The following PLXNA4 variants were observed in gnomAD, a reference collection of about 807,000 sequenced individuals.
PLXNA4 encodes the protein plexin A4, also known as plexin-A4.
In PLXNA4, 44 loss-of-function variants were observed where a neutral mutation model predicts 191.8. That is an observed-to-expected ratio of 0.23 (90% CI 0.18 to 0.29). The LOEUF is 0.29. PLXNA4 is among the 10% of genes least tolerant of loss of function. PLXNA4 has a pLI of 1.00. For missense variants in PLXNA4, 1,800 were observed against 2,488.8 expected, an observed-to-expected ratio of 0.72 and a Z score of 5.89; for synonymous variants, 1,082 against 1,009.5, an observed-to-expected ratio of 1.07 and a Z score of -1.36.
chr7:132,352,588 G>A (rs1408040217), intron 3 of PLXNA4, among the ~76,000 whole-genome samples: 2 of 152,132 alleles, frequency 1.3e-5, no homozygotes, highest in Non-Finnish European at 2.9e-5. Context: ...AGGGGCACGT[G>A]GTAGAACCTG....
intron 3 of PLXNA4, among the ~76,000 whole-genome samples, chr7:132,327,294 C>T (rs990201668): frequency 3.3e-5 from 5 of 152,102 alleles, no homozygotes; most frequent in African/African-American, 1.2e-4. Flanking sequence ...CATAATTTGA[C>T]ATTTCCAGGG....
At chr7:132,539,874 A>G (rs1799995185) in intron 1 of PLXNA4, among the ~76,000 whole-genome samples, 2 of 152,356 alleles carry the variant, frequency 1.3e-5, no homozygotes, top group African/African-American at 2.4e-5. Context: ...GTTCAAGGTC[A>G]CTCAGCTATC....
intron 3 of PLXNA4, among the ~76,000 whole-genome samples, chr7:132,487,604 C>T (rs778327247): frequency 2.5e-4 from 38 of 152,186 alleles, no homozygotes; most frequent in Admixed American, 5.9e-4. Context: ...CAGAGTTTGG[C>T]TATCTGGTTT....
At chr7:132,230,272 G>A (rs1013954309) in intron 5 of PLXNA4, among the ~76,000 whole-genome samples, 2 of 152,212 alleles carry the variant, frequency 1.3e-5, no homozygotes, top group Non-Finnish European at 2.9e-5. Context: ...ACCTCCTGAA[G>A]CTTCCAGACT....
chr7:132,524,172 G>A (rs963243833), intron 1 of PLXNA4, among the ~76,000 whole-genome samples: 5 of 152,188 alleles, frequency 3.3e-5, no homozygotes, highest in African/African-American at 4.8e-5. Context: ...TAACTGTGAC[G>A]GCCCCTGGGT....
intron 10 of PLXNA4, among the ~76,000 whole-genome samples, chr7:132,210,448 C>G (rs1413615769): frequency 6.6e-6 from 1 of 152,204 alleles, no homozygotes; most frequent in Non-Finnish European, 1.5e-5. Context: ...CAGCTCCTTC[C>G]CATTTGTTAT....
At chr7:132,646,712 T>C (rs6959278) in intron 1 of PLXNA4, among the ~76,000 whole-genome samples, 102,454 of 151,920 alleles carry the variant, frequency 0.67, 34,840 homozygotes, top group East Asian at 0.73. Context: ...TGAGCCCTAC[T>C]GGTGGGCTCA....
chr7:132,555,028 G>T (rs569803267), intron 1 of PLXNA4, among the ~76,000 whole-genome samples: 23 of 85,488 alleles, frequency 2.7e-4, no homozygotes, highest in African/African-American at 9.6e-4. Flanking sequence ...TCAGAGTCTT[G>T]GGTGGTAAAC....
At chr7:132,629,368 A>G (rs1803447964) in intron 2 of PLXNA4, among the ~76,000 whole-genome samples, 1 of 152,214 alleles carries the variant, frequency 6.6e-6, no homozygotes, top group South Asian at 2.1e-4. Context: ...ATACCTGAGT[A>G]TGTAGACTTG....
intron 3 of PLXNA4, among the ~76,000 whole-genome samples, chr7:132,434,890 A>G (rs1211793898): frequency 6.6e-6 from 1 of 151,932 alleles, no homozygotes. Context: ...CCCCACTCTA[A>G]TTTTTCACCC....
At chr7:132,223,711 T>G in intron 8 of PLXNA4, 70 bp from the exon 9 acceptor site, 7 of 1,198,050 alleles carry the variant, frequency 5.8e-6, no homozygotes, top group Non-Finnish European at 8.5e-6. Context: ...CTTGAGTCTC[T>G]ATGGTCTAGC....
At chr7:132,447,645 C>T (rs574981668) in intron 3 of PLXNA4, among the ~76,000 whole-genome samples, 47 of 152,248 alleles carry the variant, frequency 3.1e-4, no homozygotes, top group Non-Finnish European at 4.3e-4. Flanking sequence ...AGTCAGTCTT[C>T]TGTCCACACC....
chr7:132,494,396 A>G (rs1337275092), intron 2 of PLXNA4, among the ~76,000 whole-genome samples: 2 of 152,180 alleles, frequency 1.3e-5, no homozygotes, highest in African/African-American at 4.8e-5. Context: ...ACACCTCTCC[A>G]GGTGATTCCA....
At chr7:132,210,756 C>T (rs568403584) in intron 10 of PLXNA4, among the ~76,000 whole-genome samples, 187 bp downstream of exon 10, 5 of 152,352 alleles carry the variant, frequency 3.3e-5, no homozygotes, top group African/African-American at 1.2e-4. Flanking sequence ...CCTCAGAACC[C>T]AGCACGCTGC....
At chr7:132,618,376 C>A (rs1187661419) in intron 2 of PLXNA4, among the ~76,000 whole-genome samples, 26 of 152,048 alleles carry the variant, frequency 1.7e-4, no homozygotes, top group Non-Finnish European at 1.5e-5. Context: ...GGGGAAGCTT[C>A]ATGAAGGCAG....
intron 30 of PLXNA4, among the ~76,000 whole-genome samples, chr7:132,135,156 T>C (rs992073204): frequency 9.8e-5 from 15 of 152,306 alleles, no homozygotes; most frequent in Admixed American, 6.5e-4. Flanking sequence ...AAGCAAGATA[T>C]GTTTGTCAAG....
chr7:132,337,024 A>G (rs1456117133), intron 3 of PLXNA4, among the ~76,000 whole-genome samples: 1 of 152,242 alleles, frequency 6.6e-6, no homozygotes, highest in Non-Finnish European at 1.5e-5. Context: ...TGCCTCTCTC[A>G]ATCCACTTTG....
intron 6 of PLXNA4, 95 bp from the exon 7 acceptor site, chr7:132,227,699 T>G: frequency 4.7e-5 from 66 of 1,418,540 alleles, no homozygotes; most frequent in Non-Finnish European, 5.4e-5. Flanking sequence ...GTGAGAGAGA[T>G]CACAGGGAAA....
chr7:132,495,138 C>T (rs887643180), intron 2 of PLXNA4, among the ~76,000 whole-genome samples: 1 of 152,194 alleles, frequency 6.6e-6, no homozygotes, highest in Non-Finnish European at 1.5e-5. Flanking sequence ...CCTCCCCTGA[C>T]CCCAGCCTGC....
Sources: gnomAD v4.1 joint callset for allele counts (sites outside exome capture counted in the v4.1 genomes callset) on GRCh38, gnomAD v4.1.1 for gene constraint, MANE v1.5 for transcripts, NCBI Gene and HGNC (gene_info 2026-07-23, HGNC 2026-07-21) for gene names.